CADM2: variants seen among roughly 807,000 people sequenced by gnomAD.
The protein encoded by CADM2 is cell adhesion molecule 2, also known as immunoglobulin superfamily member 4D.
A neutral mutation model predicts 49.8 loss-of-function variants in CADM2; 12 were observed. That is an observed-to-expected ratio of 0.24 (90% CI 0.15 to 0.39). The LOEUF is 0.39. Ranked by LOEUF, CADM2 falls within the 10% of genes least tolerant of loss-of-function variation. CADM2 has a pLI of 1.00. For missense variants in CADM2, 378 were observed against 492.3 expected (o/e 0.77, Z 2.20); for synonymous variants, 214 against 175.4 (o/e 1.22, Z -1.74).
At chr3:85,304,670 T>A (rs1208134585) in intron 1 of CADM2, among the ~76,000 whole-genome samples, 1 of 151,858 alleles carries the variant, frequency 6.6e-6, no homozygotes, top group East Asian at 1.9e-4. Flanking sequence ...CTTTGTTTTT[T>A]AAGACATAAT....
chr3:85,505,867 T>G (rs542737073), intron 1 of CADM2, among the ~76,000 whole-genome samples: 1 of 152,298 alleles, frequency 6.6e-6, no homozygotes, highest in African/African-American at 2.4e-5. Flanking sequence ...TGTTTGGTAT[T>G]TTTGCTTTCG....
chr3:85,874,599 G>A (rs899119703), intron 3 of CADM2, among the ~76,000 whole-genome samples: 14 of 151,912 alleles, frequency 9.2e-5, no homozygotes, highest in African/African-American at 2.9e-4. Context: ...AAAGAATGAG[G>A]GCTTACAAAA....
chr3:85,606,708 A>T (rs2063549098), intron 1 of CADM2, among the ~76,000 whole-genome samples: 1 of 152,066 alleles, frequency 6.6e-6, no homozygotes, highest in Non-Finnish European at 1.5e-5. Flanking sequence ...TATGAGTAGG[A>T]TGTTGAAGAG....
At chr3:85,158,857 A>G (rs1028283515) in intron 1 of CADM2, among the ~76,000 whole-genome samples, 3 of 152,006 alleles carry the variant, frequency 2.0e-5, no homozygotes, top group Non-Finnish European at 4.4e-5. Context: ...TAAATAAAAT[A>G]AAATAAAAAA....
chr3:84,982,015 T>C (rs1265766017), intron 1 of CADM2, among the ~76,000 whole-genome samples: 1 of 152,200 alleles, frequency 6.6e-6, no homozygotes, highest in Admixed American at 6.6e-5. Context: ...TTAAACTGTG[T>C]CTTTTAAATA....
chr3:85,250,542 T>C (rs2042750169), intron 1 of CADM2, among the ~76,000 whole-genome samples: 1 of 151,526 alleles, frequency 6.6e-6, no homozygotes, highest in African/African-American at 2.4e-5. Context: ...ATTGAGCAAA[T>C]GTATACTAGG....
At chr3:85,547,449 C>T (rs932023008) in intron 1 of CADM2, among the ~76,000 whole-genome samples, 1 of 148,606 alleles carries the variant, frequency 6.7e-6, no homozygotes, top group African/African-American at 2.6e-5. Flanking sequence ...AATTATTCTG[C>T]AAGACTTGCA....
intron 1 of CADM2, among the ~76,000 whole-genome samples, chr3:85,539,255 T>TTAAC (rs148921522): frequency 0.51 from 77,619 of 151,660 alleles, 22,934 homozygotes; most frequent in East Asian, 0.85. Context: ...GTGAATAAGA[T>TTAAC]TATATGGAAA....
At chr3:85,222,806 T>C (rs1220132791) in intron 1 of CADM2, among the ~76,000 whole-genome samples, 1 of 152,184 alleles carries the variant, frequency 6.6e-6, no homozygotes, top group Non-Finnish European at 1.5e-5. Flanking sequence ...TAACTCATTA[T>C]TCACTGAATT....
At chr3:85,970,908 A>G (rs969952587) in intron 8 of CADM2, among the ~76,000 whole-genome samples, 10 of 151,596 alleles carry the variant, frequency 6.6e-5, no homozygotes, top group African/African-American at 2.4e-4. Context: ...TAACATAAAA[A>G]TATAACCTAG....
At chr3:85,295,816 T>A (rs2106959834) in intron 1 of CADM2, among the ~76,000 whole-genome samples, 1 of 152,010 alleles carries the variant, frequency 6.6e-6, no homozygotes, top group Admixed American at 6.6e-5. Flanking sequence ...TTGGGAGATA[T>A]ACCTAATGCT....
chr3:85,801,988 A>T, intron 2 of CADM2, 59 bp from the exon 3 acceptor site: 1 of 1,243,650 alleles, frequency 8.0e-7, no homozygotes, highest in Non-Finnish European at 1.1e-6. Context: ...TGTAGATCTT[A>T]GGCAGTTAAT....
At chr3:85,287,134 C>A (rs762227917) in intron 1 of CADM2, among the ~76,000 whole-genome samples, 1 of 152,034 alleles carries the variant, frequency 6.6e-6, no homozygotes, top group African/African-American at 2.4e-5. Context: ...GAATTGGTGG[C>A]AACCTCTTGA....
At chr3:84,990,890 T>G (rs1403606996) in intron 1 of CADM2, among the ~76,000 whole-genome samples, 4 of 152,148 alleles carry the variant, frequency 2.6e-5, no homozygotes, top group Non-Finnish European at 5.9e-5. Context: ...ATCATATTGA[T>G]TAGGTATTTC....
intron 1 of CADM2, among the ~76,000 whole-genome samples, chr3:85,558,349 C>T (rs1033717281): frequency 1.3e-5 from 2 of 151,864 alleles, no homozygotes; most frequent in African/African-American, 2.4e-5. Context: ...ATACTAAGTA[C>T]CTTATTTGGG....
intron 1 of CADM2, among the ~76,000 whole-genome samples, chr3:84,991,146 G>C (rs527786688): frequency 1.6e-4 from 24 of 152,088 alleles, no homozygotes; most frequent in Admixed American, 1.4e-3. Context: ...CTCTTCTCAT[G>C]GCCTGCAAGG....
chr3:85,975,942 T>A (rs187014987), intron 8 of CADM2, among the ~76,000 whole-genome samples: 1 of 151,648 alleles, frequency 6.6e-6, no homozygotes, highest in African/African-American at 2.4e-5. Context: ...TGATTAATCA[T>A]AGGATGTTAC....
intron 1 of CADM2, among the ~76,000 whole-genome samples, chr3:85,431,312 C>T (rs1296361952): frequency 6.6e-6 from 1 of 152,060 alleles, no homozygotes. Flanking sequence ...TTGGGATAAG[C>T]AATGCATGAC....
intron 1 of CADM2, among the ~76,000 whole-genome samples, chr3:85,282,349 C>T (rs1453425311): frequency 6.7e-6 from 1 of 149,316 alleles, no homozygotes; most frequent in Non-Finnish European, 1.5e-5. Context: ...GCAACCTCCA[C>T]CTCTCTGGGT....
Sources: allele counts gnomAD v4.1 joint callset (sites outside exome capture counted in the v4.1 genomes callset), GRCh38; gene constraint gnomAD v4.1.1; transcripts MANE v1.5; gene names NCBI Gene and HGNC (gene_info 2026-07-23, HGNC 2026-07-21).